BICDL1: variants seen among roughly 807,000 people sequenced by gnomAD.
BICDL1 encodes the protein BICD family like cargo adaptor 1.
A neutral mutation model predicts 76.8 loss-of-function variants in BICDL1; 20 were observed. The ratio of observed to expected loss-of-function variants is 0.26; its 90% confidence interval spans 0.18 to 0.38. The LOEUF (loss-of-function observed/expected upper bound fraction) is 0.38. Among genes scored for constraint, BICDL1 ranks in the 10% least tolerant of loss-of-function variants. The pLI, the probability that BICDL1 is intolerant of heterozygous loss-of-function variation, is 1.00. For synonymous variants in BICDL1, 383 were observed against 337.1 expected, an observed-to-expected ratio of 1.14 and a Z score of -1.49; for missense variants, 700 against 798.6, an observed-to-expected ratio of 0.88 and a Z score of 1.49.
intron 2 of BICDL1, among the ~76,000 whole-genome samples, chr12:120,021,449 T>C (rs575155645): frequency 1.3e-5 from 2 of 151,012 alleles, no homozygotes; most frequent in Admixed American, 1.3e-4. Context: ...TAGCCGGGCA[T>C]GGTGGCACGC....
rs558987881 is a variant in BICDL1 at position 120,033,526 on chromosome 12, G to A, written c.646-28184G>A. ...CAAGTAGCTGGGGCTACAGGCGCCC[G>A]CCTCCACGCCCGGCTAATTTTGTTT... On this transcript the variant is annotated intron_variant, in intron 2 of 9. Transcript: ENST00000548673. 2.6e-3 allele frequency among the ~76,000 whole-genome samples: 398 copies of A among 151,704 alleles called. 2 individuals carry two copies. Among genetic ancestry groups the A allele is most frequent in the African/African-American group, 8.8e-3 (365 of 41,306 alleles).
chr12:120,093,120 G>T lies in BICDL1; in HGVS notation c.1825G>T (p.Ala609Ser), dbSNP rs550764256. Residue 609 changes from alanine (A) to serine (S), a missense_variant, in exon 10 of 10, where the codon GCT (alanine) becomes TCT (serine). By Grantham distance (99) the Ala-to-Ser change is moderately conservative (BLOSUM62 1). Around this residue, in one of 3 missense-constraint regions of BICDL1, gnomAD observed 455 missense variants for 548.7 expected, o/e 0.83. Coordinates refer to ENST00000548673, the MANE Select transcript of BICDL1 (RefSeq NM_001367886.1). ...SAGRGDEPSI[A>S]EGKRLFSFFR... ...TGGGCGGGGGGATGAGCCCAGCATC[G>T]CTGAAGGCAAACGACTCTTCTCATT... 2 of 1,613,490 alleles carry T rather than the reference G, an allele frequency of 1.2e-6. No individual in the cohort carries two copies. Among genetic ancestry groups the T allele is most frequent in the South Asian group, 1.1e-5 (1 of 91,054 alleles).
intron 3 of BICDL1, among the ~76,000 whole-genome samples, chr12:120,062,494 A>G (rs1037149610): frequency 3.3e-5 from 5 of 152,082 alleles, no homozygotes; most frequent in African/African-American, 1.2e-4. Flanking sequence ...GTATCTGGCT[A>G]AAGGGGCCAA....
At chr12:119,991,475 G>T (rs1951522247) in intron 1 of BICDL1, among the ~76,000 whole-genome samples, 1 of 152,188 alleles carries the variant, frequency 6.6e-6, no homozygotes, top group Non-Finnish European at 1.5e-5. Context: ...TGCTAACTAG[G>T]TCTGCCAGTC....
chr12:120,031,203 CTT>C (rs140797711), intron 2 of BICDL1, among the ~76,000 whole-genome samples: 155 of 130,794 alleles, frequency 1.2e-3, no homozygotes, highest in African/African-American at 3.8e-3. Context: ...TAACATGTTC[CTT>C]TTTTTTTTTT....
chr12:120,013,907 G>T (rs1484465836), intron 2 of BICDL1, among the ~76,000 whole-genome samples: 1 of 152,162 alleles, frequency 6.6e-6, no homozygotes, highest in African/African-American at 2.4e-5. Flanking sequence ...TTTTAAGATG[G>T]TGGAAACCCC....
At chr12:120,048,490 C>T (rs569882808) in intron 2 of BICDL1, among the ~76,000 whole-genome samples, 38 of 152,162 alleles carry the variant, frequency 2.5e-4, no homozygotes, top group African/African-American at 8.7e-4. Flanking sequence ...GGTGTGTCTT[C>T]CTCAAACCTT....
rs965596339 is a variant in BICDL1 at position 120,091,895 on chromosome 12, G to A, written c.1705-1105G>A. On this transcript the variant is annotated intron_variant, in intron 9 of 9. Transcript: ENST00000548673. ...CTGCTCGGAACCAAAGAGGTCATCT[G>A]CCCTGGCCACAGGGAGCCTGCCCTG... 1.9e-5 allele frequency: 19 copies of A among 985,372 alleles called. No individual in the cohort carries two copies. The East Asian group carries it at 1.9e-3, about 100-fold the overall frequency. 61.0% of individuals were successfully genotyped at this position (985,372 alleles called of 1,614,324 possible). A position where few individuals can be genotyped will look rare whatever the true frequency, so the allele number is the denominator to read the frequency against.
intron 2 of BICDL1, among the ~76,000 whole-genome samples, chr12:120,030,760 C>T (rs1380240157): frequency 6.6e-6 from 1 of 152,176 alleles, no homozygotes; most frequent in Non-Finnish European, 1.5e-5. Flanking sequence ...CTCATATTCA[C>T]TTTATTTTTC....
At chr12:120,077,700 A>G (rs1873664117) in intron 7 of BICDL1, among the ~76,000 whole-genome samples, 1 of 152,044 alleles carries the variant, frequency 6.6e-6, no homozygotes, top group African/African-American at 2.4e-5. Context: ...CATCTCCTCC[A>G]TCCTCCGTCC....
rs79324703 is a variant in BICDL1 at position 120,092,725 on chromosome 12, C to T, written c.1705-275C>T. ...AGACTGCAGGGAGAGACCACCCGAG[C>T]CATCAGCTGAGGACTGTGGCGGCCC... is the stretch of plus-strand genomic sequence containing the variant. On this transcript the variant is annotated intron_variant, in intron 9 of 9. Transcript: ENST00000548673. 1.2e-3 allele frequency: 1,193 copies of T among 985,448 alleles called. 12 individuals are homozygous for T. In the African/African-American group the frequency reaches 0.019, roughly 16 times the overall value. The allele number at this position is 985,448 out of a possible 1,614,324, so 61.0% of individuals were successfully genotyped here.
chr12:120,089,259 G>T (rs1874721336), intron 8 of BICDL1, among the ~76,000 whole-genome samples: 1 of 151,200 alleles, frequency 6.6e-6, no homozygotes, highest in African/African-American at 2.5e-5. Flanking sequence ...TTTTAGTATT[G>T]TCCTTTTTCA....
chr12:120,004,084 C>T (rs1434983696), intron 2 of BICDL1, among the ~76,000 whole-genome samples: 1 of 152,200 alleles, frequency 6.6e-6, no homozygotes, highest in African/African-American at 2.4e-5. Flanking sequence ...CAGAGCCTCA[C>T]GTAGGATATA....
At chr12:120,057,111 AT>A in intron 2 of BICDL1, 1 of 522,314 alleles carries the variant, frequency 1.9e-6, no homozygotes. Flanking sequence ...GTGGTTGTAT[AT>A]TTAGAGGACA....
Position 120,074,580 on chromosome 12 carries a change from C to T in BICDL1, c.1446C>T (p.His482=). The change falls in exon 7 of 10, where the codon CAC becomes CAT. Residue 482 remains histidine, a synonymous_variant. Transcript: ENST00000548673. Reference sequence around the variant, plus strand: ...GCCTAGAAGAGCTGCAGCGACTCCACAGTCAGGTGAGCACCCCAACCTTCA... The same window carrying T: ...GCCTAGAAGAGCTGCAGCGACTCCATAGTCAGGTGAGCACCCCAACCTTCA... ...RQSLEELQRL[H]SQVTLLSVEM... is the part of the protein sequence containing the mutation. The T allele has an allele frequency of 8.1e-7, 1 of 1,229,072 alleles. No homozygotes were observed. Among genetic ancestry groups the T allele is most frequent in the Non-Finnish European group, 1.0e-6 (1 of 958,952 alleles). The allele number at this position is 1,229,072 out of a possible 1,614,324, so 76.1% of individuals were successfully genotyped here.
chr12:119,994,043 T>C (rs1341978271), intron 1 of BICDL1, among the ~76,000 whole-genome samples: 1 of 152,274 alleles, frequency 6.6e-6, no homozygotes, highest in Non-Finnish European at 1.5e-5. Context: ...AGACAGTAAC[T>C]TGTATTTATA....
At chr12:120,088,219 CACAGCACCCTGCGGA>C (rs1286157364) in intron 8 of BICDL1, among the ~76,000 whole-genome samples, 9 of 151,462 alleles carry the variant, frequency 5.9e-5, no homozygotes, top group African/African-American at 2.2e-4. Context: ...AGGCGTGAGC[CACAGCACCCTGCGGA>C]CACAGGCAGT....
chr12:120,090,814 C>G (rs1874894240), intron 9 of BICDL1: 4 of 1,155,470 alleles, frequency 3.5e-6, no homozygotes, highest in Admixed American at 4.6e-5. Flanking sequence ...CTGGCCCCAC[C>G]GCAGGGTGCC....
In BICDL1 at chr12:120,061,845, C is replaced by A; in HGVS notation, c.762+19C>A. ...GGCCGAGGTGAGCCTCCCGACACAG[C>A]AGTGCTGGAAGGTGGAGTGCTTTTC... On this transcript the variant is annotated intron_variant, in intron 3 of 9. Transcript: ENST00000548673. 1 of 1,571,768 alleles carries A rather than the reference C, an allele frequency of 6.4e-7. No homozygotes were observed. Among genetic ancestry groups the A allele is most frequent in the Non-Finnish European group, 8.8e-7 (1 of 1,141,622 alleles).
Sources: allele counts gnomAD v4.1 joint callset (sites outside exome capture counted in the v4.1 genomes callset), GRCh38; gene constraint gnomAD v4.1.1; regional missense constraint gnomAD v4.1.1; transcripts MANE v1.5; gene names NCBI Gene and HGNC (gene_info 2026-07-23, HGNC 2026-07-21).